The following CPA6 variants were observed in gnomAD, a reference collection of about 807,000 sequenced individuals.
CPA6 encodes the protein carboxypeptidase A6.
Under a neutral mutation model 63.3 loss-of-function variants are expected in CPA6, and 58 were observed. The ratio of observed to expected loss-of-function variants is 0.92; its 90% CI spans 0.74 to 1.14. The LOEUF is 1.14. CPA6 is among the 50% of genes most tolerant of loss of function. CPA6 has a pLI of 0.00. For synonymous variants in CPA6, 185 were observed against 179.0 expected, an observed-to-expected ratio of 1.03 and a Z score of -0.27; for missense variants, 565 against 526.6, an observed-to-expected ratio of 1.07 and a Z score of -0.71.
At chr8:67,559,821 T>C (rs1053767325) in intron 2 of CPA6, among the ~76,000 whole-genome samples, 30 of 151,162 alleles carry the variant, frequency 2.0e-4, no homozygotes, top group Non-Finnish European at 3.8e-4. Flanking sequence ...TTCTATACAA[T>C]GGGGCTTTCT....
intron 1 of CPA6, among the ~76,000 whole-genome samples, chr8:67,640,828 C>G (rs1284921514): frequency 6.6e-6 from 1 of 151,588 alleles, no homozygotes; most frequent in Non-Finnish European, 1.5e-5. Context: ...GCAGTGGCAG[C>G]CCCTGGCCAA....
rs533501856 is a variant in CPA6, at chr8:67,520,152, A to G, written c.193-2105T>C. Among the ~76,000 whole-genome samples the G allele has an allele frequency of 3.3e-4, 45 of 135,526 alleles. 2 individuals carry two copies. In the South Asian group the frequency reaches 9.7e-3, roughly 29 times the overall value. The allele number at this position is 135,526 out of a possible 152,430, so 88.9% of individuals were successfully genotyped here. ...CTGCCACCCCTTAATGCCAGTGGATATGAGGAAATTGTGCTGTATTCAGAT... is the reference window on the plus strand; with the variant it reads ...CTGCCACCCCTTAATGCCAGTGGATGTGAGGAAATTGTGCTGTATTCAGAT... On this transcript the variant is annotated intron_variant, in intron 2 of 10. Transcript: ENST00000297770.
At chr8:67,444,829 G>T (rs1163669897) in intron 8 of CPA6, among the ~76,000 whole-genome samples, 3 of 151,926 alleles carry the variant, frequency 2.0e-5, no homozygotes, top group Non-Finnish European at 4.4e-5. Context: ...AAACTGTGGG[G>T]AATATCAGTA....
intron 1 of CPA6, among the ~76,000 whole-genome samples, chr8:67,732,988 A>G (rs1817736541): frequency 6.6e-6 from 1 of 151,804 alleles, no homozygotes; most frequent in African/African-American, 2.4e-5. Context: ...TGAGGTCAGG[A>G]GATCGAGACG....
chr8:67,683,931 C>T (rs1415529212), intron 1 of CPA6, among the ~76,000 whole-genome samples: 6 of 148,732 alleles, frequency 4.0e-5, no homozygotes, highest in African/African-American at 1.5e-4. Context: ...CTTAAGCCAT[C>T]CTCCCACCTC....
At chr8:67,684,189 C>G (rs1407158164) in intron 1 of CPA6, among the ~76,000 whole-genome samples, 1 of 151,334 alleles carries the variant, frequency 6.6e-6, no homozygotes, top group Non-Finnish European at 1.5e-5. Context: ...TGCCTGGCCT[C>G]TTTTTATTCT....
intron 2 of CPA6, among the ~76,000 whole-genome samples, chr8:67,580,078 A>C (rs1249800323): frequency 6.6e-6 from 1 of 152,186 alleles, no homozygotes. Context: ...ACTTACCCAG[A>C]GCACTAACAG....
chr8:67,675,999 C>T lies in CPA6; in HGVS notation c.117-51748G>A, dbSNP rs116574851. ...CCATGTAGCTGGGATTACAGATGTA[C>T]GCTACCATGACCAACCTGTACGTTT... is the stretch of plus-strand genomic sequence containing the variant. On this transcript the variant is annotated intron_variant, in intron 1 of 10. Transcript: ENST00000297770. Among the ~76,000 whole-genome samples, 192 of 152,286 alleles carry T rather than the reference C, an allele frequency of 1.3e-3. 1 individual carries two copies. Among genetic ancestry groups the T allele is most frequent in the African/African-American group, 4.3e-3 (180 of 41,564 alleles).
chr8:67,646,577 G>C (rs1815718962), intron 1 of CPA6, among the ~76,000 whole-genome samples: 1 of 152,182 alleles, frequency 6.6e-6, no homozygotes, highest in Non-Finnish European at 1.5e-5. Flanking sequence ...TAACAGGTGA[G>C]ATAATGAATA....
chr8:67,544,511 T>C (rs959569910), intron 2 of CPA6, among the ~76,000 whole-genome samples: 1 of 152,174 alleles, frequency 6.6e-6, no homozygotes, highest in Admixed American at 6.5e-5. Context: ...TGAAGTCTAA[T>C]GGGCGCTGTA....
chr8:67,677,435 C>T (rs113941753), intron 1 of CPA6, among the ~76,000 whole-genome samples: 11 of 148,188 alleles, frequency 7.4e-5, no homozygotes, highest in African/African-American at 2.5e-4. Flanking sequence ...TTTCCCTATA[C>T]GGTATAGTAT....
intron 2 of CPA6, among the ~76,000 whole-genome samples, chr8:67,559,885 A>ACT (rs1302028005): frequency 6.6e-6 from 1 of 150,932 alleles, no homozygotes; most frequent in Non-Finnish European, 1.5e-5. Context: ...ACACACACAC[A>ACT]CACATATATA....
intron 2 of CPA6, among the ~76,000 whole-genome samples, chr8:67,618,856 G>T (rs1815015633): frequency 6.6e-6 from 1 of 152,062 alleles, no homozygotes; most frequent in Non-Finnish European, 1.5e-5. Flanking sequence ...TTACTTACCT[G>T]CAGACTGTTC....
intron 2 of CPA6, among the ~76,000 whole-genome samples, chr8:67,521,987 A>C (rs1057069696): frequency 4.6e-5 from 7 of 152,168 alleles, no homozygotes; most frequent in Non-Finnish European, 1.0e-4. Context: ...TAATAATGTT[A>C]GTAGTGATAG....
chr8:67,640,380 G>T (rs1019292413), intron 1 of CPA6, among the ~76,000 whole-genome samples: 1 of 151,546 alleles, frequency 6.6e-6, no homozygotes, highest in Non-Finnish European at 1.5e-5. Flanking sequence ...TCCAGAGGGG[G>T]TCGAGGTGGC....
intron 1 of CPA6, among the ~76,000 whole-genome samples, chr8:67,701,910 C>A (rs905893982): frequency 6.6e-6 from 1 of 152,164 alleles, no homozygotes; most frequent in Admixed American, 6.6e-5. Flanking sequence ...CAGTGGCTCC[C>A]AATCCTCATT....
At chr8:67,710,753 G>GT in intron 1 of CPA6, among the ~76,000 whole-genome samples, 1 of 151,148 alleles carries the variant, frequency 6.6e-6, no homozygotes, top group African/African-American at 2.4e-5. Context: ...TAGTCTGTTG[G>GT]GGGGGGCTTA....
At chr8:67,532,859 T>A (rs1037377184) in intron 2 of CPA6, among the ~76,000 whole-genome samples, 2 of 152,194 alleles carry the variant, frequency 1.3e-5, no homozygotes, top group African/African-American at 4.8e-5. Flanking sequence ...ATTTATAAAT[T>A]TCATGAGTGA....
chr8:67,532,666 C>CAACA (rs762585840), intron 2 of CPA6, among the ~76,000 whole-genome samples: 5 of 152,006 alleles, frequency 3.3e-5, no homozygotes, highest in Admixed American at 6.6e-5. Flanking sequence ...GACCCTGTGT[C>CAACA]AACAAACAAA....
Sources: allele counts gnomAD v4.1 joint callset (sites outside exome capture counted in the v4.1 genomes callset), GRCh38; gene constraint gnomAD v4.1.1; transcripts MANE v1.5; gene names NCBI Gene and HGNC (gene_info 2026-07-23, HGNC 2026-07-21).